The following USP47 variants were observed in gnomAD, a reference collection of about 807,000 sequenced individuals.
The protein encoded by USP47 is ubiquitin carboxyl-terminal hydrolase 47.
In USP47, 35 loss-of-function variants were observed where a neutral mutation model predicts 165.1. That is an observed-to-expected ratio of 0.21 (90% CI 0.16 to 0.28). The LOEUF is 0.28. Ranked by LOEUF, USP47 falls within the 10% of genes least tolerant of loss-of-function variation. The pLI is 1.00. For synonymous variants in USP47, 531 were observed against 544.5 expected, an observed-to-expected ratio of 0.98 and a Z score of 0.35; for missense variants, 1,277 against 1,607.4, an observed-to-expected ratio of 0.79 and a Z score of 3.52.
At chr11:11,881,885 A>C (rs1247008303) in intron 2 of USP47, among the ~76,000 whole-genome samples, 2 of 152,118 alleles carry the variant, frequency 1.3e-5, no homozygotes, top group African/African-American at 4.8e-5. Flanking sequence ...ATTGGGGATT[A>C]GGTTTCAGCA....
chr11:11,896,380 A>G (rs754583137), intron 4 of USP47, among the ~76,000 whole-genome samples: 23 of 152,160 alleles, frequency 1.5e-4, no homozygotes, highest in Non-Finnish European at 1.6e-4. Context: ...TCTCCCCCAG[A>G]CTGTTGAGGA....
chr11:11,901,551 T>C (rs116327185), intron 5 of USP47, among the ~76,000 whole-genome samples: 1,909 of 152,316 alleles, frequency 0.013, 39 homozygotes, highest in African/African-American at 0.043. Context: ...AGGGCTAGAC[T>C]GCTGTTTATC....
intron 1 of USP47, among the ~76,000 whole-genome samples, chr11:11,867,766 T>C (rs879336471): frequency 6.6e-6 from 1 of 152,228 alleles, no homozygotes; most frequent in Admixed American, 6.5e-5. Flanking sequence ...TTGTGGAAAT[T>C]AGTTGCACTT....
chr11:11,943,487 C>T (rs201111700), intron 20 of USP47: 1 of 155,272 alleles, frequency 6.4e-6, no homozygotes, highest in African/African-American at 2.4e-5. Context: ...CATGCTCTTC[C>T]CTCTCTCCAT....
chr11:11,954,939 G>T lies in USP47; in HGVS notation c.3757G>T (p.Ala1253Ser). 3 of 1,613,884 alleles carry T rather than the reference G, an allele frequency of 1.9e-6. No individual in the cohort carries two copies. In the African/African-American group the frequency reaches 4.0e-5, roughly 22 times the overall value. The change falls in exon 26 of 28, where the codon GCT becomes TCT. Residue 1253 changes from alanine to serine, a missense_variant. Ala to Ser is a moderately conservative substitution (Grantham distance 99). Transcript: ENST00000527733. ...SGIPLDDIEF[A>S]KGRGTFPCDI... ...GATTCCTTTGGATGATATTGAATTT[G>T]CTAAGGTAAAGCCCTGAGAATGTTG... is the stretch of plus-strand genomic sequence containing the variant.
intron 1 of USP47, among the ~76,000 whole-genome samples, chr11:11,875,769 A>C (rs11827279): frequency 0.05 from 7,584 of 152,212 alleles, 473 homozygotes; most frequent in African/African-American, 0.15. Flanking sequence ...ACACCCAGCA[A>C]ATTTTGTATT....
In USP47 at chr11:11,961,059, A is replaced by G. The variant is rs961098405; in HGVS notation, c.*4884A>G. 6.6e-6 allele frequency among the ~76,000 whole-genome samples: 1 copy of G among 152,222 alleles called. No homozygotes were observed. Reference sequence around the variant, plus strand: ...AGAAAAGCTAACACCAGCTTTATCAATAATAATATCGGTGGTTTACTTAAG... The same window carrying G: ...AGAAAAGCTAACACCAGCTTTATCAGTAATAATATCGGTGGTTTACTTAAG... On this transcript the variant is annotated 3_prime_UTR_variant, in exon 28 of 28. Coordinates refer to ENST00000527733, the MANE Select transcript of USP47 (RefSeq NM_001282659.2).
intron 1 of USP47, among the ~76,000 whole-genome samples, chr11:11,845,322 G>C (rs1206831325): frequency 2.0e-5 from 3 of 152,028 alleles, no homozygotes; most frequent in Non-Finnish European, 1.5e-5. Flanking sequence ...TTCTGTTTGT[G>C]CTGCCCCCTC....
chr11:11,955,885 A>G, intron 27 of USP47, 116 bp from the exon 28 acceptor site: 1 of 813,356 alleles, frequency 1.2e-6, no homozygotes, highest in South Asian at 2.1e-5. Flanking sequence ...AAATAATATT[A>G]CTTCACCAGT....
Position 11,922,897 on chromosome 11 carries a change from T to A in USP47, c.1386+6T>A, listed in dbSNP as rs1853940659. ...CAAAATCTGGACTTGAAAAGGTACC[T>A]TTTATAGTTTGCATTTTTTAGTTGA... On this transcript the variant is annotated splice_donor_region_variant and intron_variant, in intron 11 of 27. Coordinates refer to ENST00000527733, the MANE Select transcript of USP47 (RefSeq NM_001282659.2). The A allele has an allele frequency of 6.2e-7, 1 of 1,606,272 alleles. No homozygotes were observed. The highest frequency in any genetic ancestry group is 1.3e-5 in the African/African-American group (1 of 74,454).
rs1467726837 is a variant in USP47, at chr11:11,956,937, T to G, written c.*762T>G. The G allele has an allele frequency of 1.3e-5, 2 of 152,238 alleles. No homozygotes were observed. The highest frequency in any genetic ancestry group is 4.8e-5 in the African/African-American group (2 of 41,456). The allele number at this position is 152,238 out of a possible 1,614,324, so 9.4% of individuals were successfully genotyped here. On this transcript the variant is annotated 3_prime_UTR_variant, in exon 28 of 28. Coordinates refer to ENST00000527733, the MANE Select transcript of USP47 (RefSeq NM_001282659.2). ...TGTAAATAAAATTGATCCTGTTGAG[T>G]TATCATAATTGCAGTTCAACTATCT...
At chr11:11,849,813 A>T (rs538634500) in intron 1 of USP47, among the ~76,000 whole-genome samples, 1 of 152,128 alleles carries the variant, frequency 6.6e-6, no homozygotes, top group South Asian at 2.1e-4. Context: ...AGTTCTCTGG[A>T]TGGGATAGAA....
chr11:11,948,183 T>G (rs1383555470), intron 21 of USP47, 63 bp downstream of exon 21: 2 of 1,518,908 alleles, frequency 1.3e-6, no homozygotes, highest in East Asian at 2.3e-5. Flanking sequence ...GAGAACAGCT[T>G]TTACTACTTC....
intron 8 of USP47, among the ~76,000 whole-genome samples, chr11:11,916,079 G>A (rs569900563): frequency 9.9e-5 from 15 of 152,130 alleles, no homozygotes; most frequent in African/African-American, 3.1e-4. Flanking sequence ...GGAATAACCC[G>A]TATTGTTTTT....
Position 11,920,491 on chromosome 11 carries a change from T to C in USP47, c.1215T>C (p.Asp405=). The C allele has an allele frequency of 6.2e-7, 1 of 1,600,800 alleles. No homozygotes were observed. The highest frequency in any genetic ancestry group is 1.7e-5 in the Admixed American group (1 of 57,312). The part of the protein sequence containing the change: ...LDMSTFIDVE[D]EKSPQTESCT... The stretch of plus-strand genomic sequence containing the variant: ...TGAGTACTTTTATTGATGTTGAAGA[T>C]GAGGTAAATATTTGTTATTTTAAAG... Residue 405 remains aspartate (D), a synonymous_variant, in exon 10 of 28, where the codon GAT becomes GAC. Coordinates refer to ENST00000527733, the MANE Select transcript of USP47 (RefSeq NM_001282659.2).
intron 3 of USP47, among the ~76,000 whole-genome samples, chr11:11,890,073 A>G (rs1302921936): frequency 2.6e-5 from 4 of 152,254 alleles, no homozygotes; most frequent in African/African-American, 7.2e-5. Context: ...AAAGACTTCA[A>G]TGTAAAACCC....
intron 1 of USP47, among the ~76,000 whole-genome samples, chr11:11,875,392 T>G (rs1850345783): frequency 6.6e-6 from 1 of 152,072 alleles, no homozygotes; most frequent in Admixed American, 6.6e-5. Context: ...GAACTCAGAT[T>G]TGAGCTTAAA....
At chr11:11,908,993 T>C (rs1355516461) in intron 8 of USP47, among the ~76,000 whole-genome samples, 4 of 152,186 alleles carry the variant, frequency 2.6e-5, no homozygotes, top group Admixed American at 2.0e-4. Context: ...GTGATTCCTG[T>C]AGTTGAGAAG....
rs117894675 is a variant in USP47, at chr11:11,893,669, C to T, written c.496+1563C>T. 9.9e-4 allele frequency among the ~76,000 whole-genome samples: 150 copies of T among 151,910 alleles called. 1 individual carries two copies. The East Asian group carries it at 0.026, about 26-fold the overall frequency. On this transcript the variant is annotated intron_variant, in intron 4 of 27. Coordinates refer to ENST00000527733, the MANE Select transcript of USP47 (RefSeq NM_001282659.2). The stretch of plus-strand genomic sequence containing the variant: ...CTAGTCTTGAGTAATCTTTCTGCCT[C>T]GGCCTCCCAAGTAGCGGGGAATACA...
Sources: gnomAD v4.1 joint callset for allele counts (sites outside exome capture counted in the v4.1 genomes callset) on GRCh38, gnomAD v4.1.1 for gene constraint, MANE v1.5 for transcripts, NCBI Gene and HGNC (gene_info 2026-07-23, HGNC 2026-07-21) for gene names.